ZNF346: variants seen among roughly 807,000 people sequenced by gnomAD.
The protein encoded by ZNF346 is zinc finger protein 346.
In ZNF346, 23 loss-of-function variants were observed where a neutral mutation model predicts 33.7. That is an observed-to-expected ratio of 0.68 (90% CI 0.49 to 0.97). The LOEUF (loss-of-function observed/expected upper bound fraction) is 0.97, where lower values mean the gene tolerates loss of function less well. Ranked by LOEUF, ZNF346 falls within the 50% of genes least tolerant of loss-of-function variation. ZNF346 has a pLI of 0.00. For missense variants in ZNF346, 340 were observed against 371.1 expected (o/e 0.92, Z 0.69); for synonymous variants, 134 against 142.4 (o/e 0.94, Z 0.42).
chr5:177,044,457 C>A lies in ZNF346; in HGVS notation c.441C>A (p.Val147=). 6.2e-7 allele frequency: 1 copy of A among 1,614,082 alleles called. No homozygotes were observed. The highest frequency in any genetic ancestry group is 8.5e-7 in the Non-Finnish European group (1 of 1,180,018). Residue 147 remains valine (V), a synonymous_variant, in exon 4 of 7, where the codon GTC becomes GTA. Coordinates refer to ENST00000358149, the MANE Select transcript of ZNF346 (RefSeq NM_012279.4). ...GTAACATGACCTTTTCCTCCCCTGT[C>A]GTGGCCCAGTCGCACTACCTGGGGA... ...PICNMTFSSP[V]VAQSHYLGKT...
At chr5:177,027,265 C>T (rs1776927905) in intron 1 of ZNF346, among the ~76,000 whole-genome samples, 1 of 151,952 alleles carries the variant, frequency 6.6e-6, no homozygotes, top group Admixed American at 6.6e-5. Flanking sequence ...GTTGGTCAGG[C>T]TGGTCTCAAA....
intron 1 of ZNF346, among the ~76,000 whole-genome samples, chr5:177,027,500 C>T (rs145343240): frequency 3.8e-4 from 57 of 150,386 alleles, no homozygotes; most frequent in African/African-American, 1.3e-3. Flanking sequence ...GCACGAGAAT[C>T]GCTTGAACCC....
At chr5:177,054,524 G>A (rs185014055) in intron 5 of ZNF346, among the ~76,000 whole-genome samples, 13 of 151,784 alleles carry the variant, frequency 8.6e-5, no homozygotes, top group South Asian at 2.1e-4. Flanking sequence ...TCAGCCTCCC[G>A]TGTAGCTGGG....
intron 1 of ZNF346, among the ~76,000 whole-genome samples, chr5:177,028,933 C>A (rs1366879015): frequency 1.4e-4 from 21 of 151,890 alleles, no homozygotes; most frequent in Middle Eastern, 3.4e-3. Flanking sequence ...GTTAGCCAGG[C>A]TGATCTCGAT....
chr5:177,024,747 C>G (rs1776524130), intron 1 of ZNF346, among the ~76,000 whole-genome samples: 1 of 152,152 alleles, frequency 6.6e-6, no homozygotes, highest in African/African-American at 2.4e-5. Flanking sequence ...TGGAGGTGCA[C>G]AAGAAGAAAG....
intron 1 of ZNF346, among the ~76,000 whole-genome samples, chr5:177,036,150 A>T (rs1376277458): frequency 6.6e-6 from 1 of 152,040 alleles, no homozygotes; most frequent in Non-Finnish European, 1.5e-5. Flanking sequence ...TAGAGCTGAA[A>T]CAACAGCGGG....
chr5:177,054,597 C>T (rs1291136576), intron 5 of ZNF346, among the ~76,000 whole-genome samples: 1 of 151,790 alleles, frequency 6.6e-6, no homozygotes. Flanking sequence ...GACAGGGTTT[C>T]ACCATGTTGG....
chr5:177,061,209 G>A (rs537150569), intron 5 of ZNF346, among the ~76,000 whole-genome samples: 19 of 152,312 alleles, frequency 1.2e-4, no homozygotes, highest in Middle Eastern at 3.4e-3. Context: ...CGCTTTGGGA[G>A]GCCTAGACGG....
At chr5:177,040,935 A>G (rs1740104840) in intron 1 of ZNF346, among the ~76,000 whole-genome samples, 191 bp from the exon 2 acceptor site, 2 of 152,232 alleles carry the variant, frequency 1.3e-5, no homozygotes, top group Admixed American at 1.3e-4. Context: ...AAATTATAAA[A>G]TAAGTAATAG....
intron 5 of ZNF346, among the ~76,000 whole-genome samples, chr5:177,055,794 G>A (rs945140964): frequency 5.9e-5 from 9 of 151,936 alleles, no homozygotes; most frequent in Admixed American, 3.3e-4. Context: ...TACAAAAATT[G>A]GCCGGGTGCA....
intron 1 of ZNF346, among the ~76,000 whole-genome samples, chr5:177,023,413 C>G (rs910051392): frequency 3.9e-5 from 6 of 152,142 alleles, no homozygotes; most frequent in Non-Finnish European, 8.8e-5. Context: ...CTGGCTTACC[C>G]GTTTTTAGCT....
intron 1 of ZNF346, among the ~76,000 whole-genome samples, chr5:177,036,485 A>C (rs1029233953): frequency 6.1e-5 from 9 of 147,504 alleles, no homozygotes; most frequent in African/African-American, 2.0e-4. Flanking sequence ...AGCATAATCA[A>C]AGTTCAAGTC....
chr5:177,023,216 T>A, intron 1 of ZNF346: 1 of 1,536,584 alleles, frequency 6.5e-7, no homozygotes, highest in Non-Finnish European at 8.7e-7. Flanking sequence ...GTCGGAGACC[T>A]ACAGTCTTTG....
downstream of ZNF346, among the ~76,000 whole-genome samples, chr5:177,069,315 G>T (rs1783385649): frequency 1.3e-5 from 2 of 151,910 alleles, no homozygotes; most frequent in Non-Finnish European, 2.9e-5. Flanking sequence ...AAATTAGCTG[G>T]TCGTGGTGGT....
chr5:177,072,181 G>A (rs968925630), downstream of ZNF346, among the ~76,000 whole-genome samples: 1 of 152,332 alleles, frequency 6.6e-6, no homozygotes, highest in East Asian at 1.9e-4. Flanking sequence ...GAGAAAGTCA[G>A]GGACAAAGTC....
chr5:177,057,882 C>T (rs1057371054), intron 5 of ZNF346, among the ~76,000 whole-genome samples: 1 of 151,026 alleles, frequency 6.6e-6, no homozygotes, highest in African/African-American at 2.4e-5. Flanking sequence ...AGTGCAATGG[C>T]GCAATCTCGG....
At position 177,077,912 on chromosome 5, in the gene ZNF346, C is replaced by T. The variant is rs148277374; in HGVS notation, c.*3-1470C>T. The stretch of plus-strand genomic sequence containing the variant: ...CTGTAATCCCAGCACTTTGGGAGGC[C>T]GAGGCAGGTGGATCACCTGAGGTCA... On this transcript the variant is annotated intron_variant, in intron 8 of 8. Coordinates refer to the ZNF346 transcript ENST00000503039. The surrounding 1 kb of genome is among the most constrained non-coding windows in gnomAD (Gnocchi z 5.0). 5.3e-3 allele frequency among the ~76,000 whole-genome samples: 811 copies of T among 152,058 alleles called. 10 individuals carry two copies. Among genetic ancestry groups the T allele is most frequent in the African/African-American group, 0.016 (669 of 41,476 alleles).
chr5:177,048,404 CTGAGGTCAGGAGTT>C (rs1780391910), intron 4 of ZNF346, among the ~76,000 whole-genome samples: 2 of 152,240 alleles, frequency 1.3e-5, no homozygotes, highest in Admixed American at 1.3e-4. Flanking sequence ...GGTGGATCAC[CTGAGGTCAGGAGTT>C]TGAGACCAGC....
At position 177,066,995 on chromosome 5, in the gene ZNF346, G is replaced by A. The variant is rs1355306123; in HGVS notation, c.*2396G>A. 6.6e-6 allele frequency among the ~76,000 whole-genome samples: 1 copy of A among 152,040 alleles called. No homozygotes were observed. Among genetic ancestry groups the A allele is most frequent in the Non-Finnish European group, 1.5e-5 (1 of 68,006 alleles). On this transcript the variant is annotated 3_prime_UTR_variant, in exon 7 of 7. Transcript: ENST00000358149. ...GAGAATTGCTTGAACCCGGGAGGCG[G>A]AGGGTCGCATTGAGCCAAGATCGTG...
Sources: gnomAD v4.1 joint callset for allele counts (sites outside exome capture counted in the v4.1 genomes callset) on GRCh38, gnomAD v4.1.1 for gene constraint, Gnocchi (gnomAD v3.1) non-coding constraint, MANE v1.5 for transcripts, NCBI Gene and HGNC (gene_info 2026-07-23, HGNC 2026-07-21) for gene names.